PTPN9: variants seen among roughly 807,000 people sequenced by gnomAD.
PTPN9 encodes the protein tyrosine-protein phosphatase non-receptor type 9.
A neutral mutation model predicts 69.8 loss-of-function variants in PTPN9; 26 were observed. That is an observed-to-expected ratio of 0.37 (90% CI 0.27 to 0.52). The LOEUF (loss-of-function observed/expected upper bound fraction) is 0.52, where lower values mean the gene tolerates loss of function less well. PTPN9 is among the 20% of genes least tolerant of loss of function. PTPN9 has a pLI of 0.91. For synonymous variants in PTPN9, 274 were observed against 272.5 expected, an observed-to-expected ratio of 1.01 and a Z score of -0.05; for missense variants, 549 against 740.3, an observed-to-expected ratio of 0.74 and a Z score of 3.00.
chr15:75,544,621 C>A (rs1462331337), intron 1 of PTPN9, among the ~76,000 whole-genome samples: 1 of 152,118 alleles, frequency 6.6e-6, no homozygotes, highest in African/African-American at 2.4e-5. Flanking sequence ...TCTAGGTTCC[C>A]AGAGGGAGGT....
At chr15:75,518,272 G>A (rs189692057) in intron 4 of PTPN9, among the ~76,000 whole-genome samples, 3 of 152,048 alleles carry the variant, frequency 2.0e-5, no homozygotes, top group South Asian at 4.1e-4. Context: ...CCAGGAGGTC[G>A]AGGCTACAGG....
At chr15:75,524,128 A>C (rs1246281752) in intron 3 of PTPN9, 81 bp downstream of exon 3, 3 of 642,506 alleles carry the variant, frequency 4.7e-6, no homozygotes, top group East Asian at 3.2e-5. Context: ...AAAAAAAAAA[A>C]AAAAAAAACA....
rs551825625 is a variant in PTPN9 at position 75,502,614 on chromosome 15, T to C, written c.968+3061A>G. 3.3e-5 allele frequency among the ~76,000 whole-genome samples: 5 copies of C among 152,204 alleles called. No individual in the cohort carries two copies. The East Asian group carries it at 5.8e-4, about 18-fold the overall frequency. On this transcript the variant is annotated intron_variant, in intron 7 of 12. Coordinates refer to ENST00000618819, the MANE Select transcript of PTPN9 (RefSeq NM_002833.4). ...ATAAACTAGCGAGATGGTTTTGTGATAGGATTTGAGTAGAATGAAAATCTC... is the reference window on the plus strand; with the variant it reads ...ATAAACTAGCGAGATGGTTTTGTGACAGGATTTGAGTAGAATGAAAATCTC...
At chr15:75,488,234 T>C (rs543853114) in intron 8 of PTPN9, among the ~76,000 whole-genome samples, 1 of 152,184 alleles carries the variant, frequency 6.6e-6, no homozygotes, top group East Asian at 1.9e-4. Flanking sequence ...TGAGCTGAGA[T>C]TGCGCCATTG....
intron 10 of PTPN9, among the ~76,000 whole-genome samples, chr15:75,473,281 G>T (rs1392220592): frequency 6.6e-6 from 1 of 151,358 alleles, no homozygotes; most frequent in Non-Finnish European, 1.5e-5. Context: ...ACAGAGTCTC[G>T]CTCTGTAGCC....
At chr15:75,530,478 A>T (rs1395511332) in intron 1 of PTPN9, among the ~76,000 whole-genome samples, 1 of 99,218 alleles carries the variant, frequency 1.0e-5, no homozygotes, top group East Asian at 2.6e-4. Context: ...ATAATAATAA[A>T]AATATATATT....
intron 9 of PTPN9, among the ~76,000 whole-genome samples, chr15:75,477,153 T>A (rs1181757961): frequency 6.6e-6 from 1 of 152,228 alleles, no homozygotes; most frequent in Non-Finnish European, 1.5e-5. Flanking sequence ...TGCCACTTAC[T>A]AGCTGCATGG....
rs1028996748 is a variant in PTPN9, at chr15:75,505,796, G to A, written c.847C>T (p.Pro283Ser). The A allele has an allele frequency of 6.2e-7, 1 of 1,613,962 alleles. No homozygotes were observed. The highest frequency in any genetic ancestry group is 8.5e-7 in the Non-Finnish European group (1 of 1,179,970). The change falls in exon 7 of 13, where the codon CCC (proline) becomes TCC (serine). Residue 283 changes from proline (P) to serine (S), a missense_variant. Pro to Ser is a moderately conservative substitution (Grantham distance 74). This residue lies in a region of PTPN9 where 457 missense variants were observed against 661.9 expected (regional missense o/e 0.69). Transcript: ENST00000618819. ...AACTCTTGGATGGTCATAGCATGGG[G>A]ACCTGGAACATGTACTGAGTCCCAG... ...LDWDSVHVPG[P>S]HAMTIQELVD...
At chr15:75,549,766 C>T (rs948678300) in intron 1 of PTPN9, among the ~76,000 whole-genome samples, 7 of 152,064 alleles carry the variant, frequency 4.6e-5, no homozygotes, top group Non-Finnish European at 7.4e-5. Flanking sequence ...CTTGAGACCA[C>T]GGGTTCAAAA....
At chr15:75,554,552 C>A (rs539334870) in intron 1 of PTPN9, among the ~76,000 whole-genome samples, 1 of 151,184 alleles carries the variant, frequency 6.6e-6, no homozygotes, top group Non-Finnish European at 1.5e-5. Flanking sequence ...GTCTCAAACT[C>A]CTGGACTCAA....
Position 75,468,924 on chromosome 15 carries a change from C to T in PTPN9, c.1627G>A (p.Val543Met). ...AQLEELGTLN[V>M]FQTVSRMRTQ... ...CTCATGCGTGACACCGTCTGGAACA[C>T]ATTAAGGGTGCCAAGCTCCTCCAGC... Residue 543 changes from valine to methionine, a missense_variant, in exon 13 of 13, where the codon GTG becomes ATG. By Grantham distance (21) the Val-to-Met change is conservative. Around this residue, in one of 3 missense-constraint regions of PTPN9, gnomAD observed 457 missense variants for 661.9 expected, o/e 0.69. Coordinates refer to ENST00000618819, the MANE Select transcript of PTPN9 (RefSeq NM_002833.4). 1 of 1,614,190 alleles carries T rather than the reference C, an allele frequency of 6.2e-7. No homozygotes were observed. The highest frequency in any genetic ancestry group is 8.5e-7 in the Non-Finnish European group (1 of 1,180,014).
intron 1 of PTPN9, among the ~76,000 whole-genome samples, chr15:75,577,204 G>A (rs952882357): frequency 6.6e-6 from 1 of 152,094 alleles, no homozygotes; most frequent in Non-Finnish European, 1.5e-5. Flanking sequence ...TACTTTTCCT[G>A]GTTTTAGTTT....
chr15:75,509,178 G>C, intron 5 of PTPN9, 151 bp from the exon 6 acceptor site: 1 of 594,374 alleles, frequency 1.7e-6, no homozygotes, highest in Non-Finnish European at 3.0e-6. Context: ...GAGGAAAAGT[G>C]GTTAAACAAA....
intron 1 of PTPN9, among the ~76,000 whole-genome samples, chr15:75,563,560 A>G (rs1261104557): frequency 6.6e-6 from 1 of 152,140 alleles, no homozygotes; most frequent in African/African-American, 2.4e-5. Context: ...GCTGAGAAAG[A>G]TATGATCTTT....
intron 1 of PTPN9, among the ~76,000 whole-genome samples, chr15:75,530,461 A>T (rs2074951054): frequency 2.0e-5 from 2 of 100,678 alleles, no homozygotes; most frequent in East Asian, 5.2e-4. Context: ...ATAATAAAAT[A>T]TATATTATAA....
At chr15:75,532,227 CCT>C (rs1213054838) in intron 1 of PTPN9, among the ~76,000 whole-genome samples, 2 of 151,798 alleles carry the variant, frequency 1.3e-5, no homozygotes, top group African/African-American at 2.4e-5. Context: ...TGAATGAAAC[CCT>C]GTCTCTACTG....
intron 1 of PTPN9, among the ~76,000 whole-genome samples, chr15:75,542,541 G>A (rs1179477261): frequency 6.6e-6 from 1 of 152,216 alleles, no homozygotes; most frequent in Admixed American, 6.5e-5. Flanking sequence ...TTTCCCATCT[G>A]AGTCCAAAGC....
chr15:75,578,041 A>G (rs1037776143), intron 1 of PTPN9, among the ~76,000 whole-genome samples: 9 of 152,218 alleles, frequency 5.9e-5, no homozygotes, highest in Admixed American at 3.9e-4. Context: ...ATAGAGCTCA[A>G]TGTAAGCTTC....
intron 7 of PTPN9, among the ~76,000 whole-genome samples, chr15:75,496,801 C>T (rs940860891): frequency 9.2e-5 from 14 of 152,064 alleles, no homozygotes; most frequent in African/African-American, 3.1e-4. Flanking sequence ...GCCACTGTGC[C>T]TGGCATATTA....
Sources: allele counts gnomAD v4.1 joint callset (sites outside exome capture counted in the v4.1 genomes callset), GRCh38; gene constraint gnomAD v4.1.1; regional missense constraint gnomAD v4.1.1; transcripts MANE v1.5; gene names NCBI Gene and HGNC (gene_info 2026-07-23, HGNC 2026-07-21).